The following CRTAM variants were observed in gnomAD, a reference collection of about 807,000 sequenced individuals.
The protein encoded by CRTAM is cytotoxic and regulatory T-cell molecule.
In CRTAM, 44 loss-of-function variants were observed where a neutral mutation model predicts 50.0. That is an observed-to-expected ratio of 0.88 (90% CI 0.69 to 1.13). The LOEUF is 1.13. Ranked by LOEUF, CRTAM falls within the 50% of genes most tolerant of loss-of-function variation. The probability of loss-of-function intolerance (pLI) is 0.00; values close to 1 mark genes in which losing one functional copy is unlikely to be tolerated. For missense variants in CRTAM, 448 were observed against 457.5 expected, an observed-to-expected ratio of 0.98 and a Z score of 0.19; for synonymous variants, 159 against 169.3, an observed-to-expected ratio of 0.94 and a Z score of 0.47.
In CRTAM at chr11:122,841,880, T is replaced by A. The variant is rs141148819; in HGVS notation, c.46+3288T>A. Among the ~76,000 whole-genome samples the A allele has an allele frequency of 3.2e-3, 487 of 152,292 alleles. 3 individuals are homozygous for A. Among genetic ancestry groups the A allele is most frequent in the African/African-American group, 0.011 (456 of 41,548 alleles). On this transcript the variant is annotated intron_variant, in intron 1 of 9. Coordinates refer to ENST00000227348, the MANE Select transcript of CRTAM (RefSeq NM_019604.4). Reference sequence around the variant, plus strand: ...CTGTAATAGAAGTATATCTCAAGACTTTGGGAAACTAGGGGAAAGACATTA... The same window carrying A: ...CTGTAATAGAAGTATATCTCAAGACATTGGGAAACTAGGGGAAAGACATTA...
At chr11:122,844,944 G>T (rs1019059932) in intron 1 of CRTAM, among the ~76,000 whole-genome samples, 1 of 152,158 alleles carries the variant, frequency 6.6e-6, no homozygotes, top group East Asian at 1.9e-4. Context: ...TAACACATTT[G>T]GGGGAAGAGA....
At chr11:122,869,747 A>G (rs928609017) in intron 9 of CRTAM, among the ~76,000 whole-genome samples, 1 of 152,182 alleles carries the variant, frequency 6.6e-6, no homozygotes, top group African/African-American at 2.4e-5. Flanking sequence ...CTGCCTCTTT[A>G]GGTTTTGACC....
At chr11:122,842,885 A>G (rs1310765099) in intron 1 of CRTAM, among the ~76,000 whole-genome samples, 3 of 152,220 alleles carry the variant, frequency 2.0e-5, no homozygotes, top group Admixed American at 2.0e-4. Flanking sequence ...GCATGGGGAC[A>G]GTAGAGATAA....
chr11:122,853,768 A>C (rs1228022700), intron 3 of CRTAM, among the ~76,000 whole-genome samples, 175 bp from the exon 4 acceptor site: 1 of 152,058 alleles, frequency 6.6e-6, no homozygotes, highest in African/African-American at 2.4e-5. Context: ...CAGTGAGGCG[A>C]AATCGTGCCA....
At position 122,867,563 on chromosome 11, in the gene CRTAM, G is replaced by A. The variant is rs747506504; in HGVS notation, c.964+8G>A. ...ATGTGATATGGAAGAAAGGTCAGTG[G>A]GCAGGGAACCTGACGGGGGCTATAA... On this transcript the variant is annotated splice_region_variant and intron_variant, in intron 8 of 9. Transcript: ENST00000227348. The A allele has an allele frequency of 1.7e-5, 27 of 1,611,024 alleles. No individual in the cohort carries two copies. Among genetic ancestry groups the A allele is most frequent in the South Asian group, 1.4e-4 (13 of 90,610 alleles).
chr11:122,862,337 C>A, intron 5 of CRTAM, 127 bp from the exon 6 acceptor site: 2 of 682,008 alleles, frequency 2.9e-6, no homozygotes, highest in Non-Finnish European at 2.7e-6. Context: ...ACACACAGTT[C>A]TGGGGTTTCT....
At chr11:122,849,048 G>T (rs924716532) in intron 1 of CRTAM, among the ~76,000 whole-genome samples, 2 of 152,138 alleles carry the variant, frequency 1.3e-5, no homozygotes, top group African/African-American at 2.4e-5. Flanking sequence ...TCTGGAGAAA[G>T]CTCGGCTGTG....
chr11:122,868,242 G>A (rs1206341589), intron 9 of CRTAM, 143 bp downstream of exon 9: 3 of 552,132 alleles, frequency 5.4e-6, no homozygotes, highest in Non-Finnish European at 9.6e-6. Context: ...GTGTGTATGA[G>A]GTGGGATTTA....
rs1862252289 is a variant in CRTAM, at chr11:122,871,412, T to C, written c.*13T>C. ...GAGTATTGTGTAGTGCTCTCTGCAA[T>C]GGAACATGTGATTTCAGGGTTGCCG... On this transcript the variant is annotated 3_prime_UTR_variant, in exon 10 of 10. Coordinates refer to ENST00000227348, the MANE Select transcript of CRTAM (RefSeq NM_019604.4). 9.4e-6 allele frequency: 15 copies of C among 1,603,724 alleles called. No individual in the cohort carries two copies. The highest frequency in any genetic ancestry group is 1.3e-5 in the African/African-American group (1 of 74,800).
intron 1 of CRTAM, among the ~76,000 whole-genome samples, chr11:122,842,268 T>C (rs943018323): frequency 1.4e-5 from 2 of 146,872 alleles, no homozygotes; most frequent in Non-Finnish European, 3.0e-5. Flanking sequence ...ATGGGTTATA[T>C]GTTTGTTTGT....
intron 5 of CRTAM, among the ~76,000 whole-genome samples, chr11:122,859,069 T>C (rs1425718755): frequency 6.6e-6 from 1 of 152,212 alleles, no homozygotes; most frequent in Non-Finnish European, 1.5e-5. Context: ...CAATTTATTT[T>C]AAAATAATAA....
intron 7 of CRTAM, among the ~76,000 whole-genome samples, chr11:122,865,201 A>G (rs1565293416): frequency 6.6e-6 from 1 of 151,754 alleles, no homozygotes; most frequent in Non-Finnish European, 1.5e-5. Flanking sequence ...CACCCCAGCT[A>G]ATTTTGTATT....
intron 6 of CRTAM, among the ~76,000 whole-genome samples, chr11:122,864,247 G>T (rs892156780): frequency 4.6e-5 from 7 of 152,190 alleles, no homozygotes; most frequent in Non-Finnish European, 8.8e-5. Flanking sequence ...TGAAATAATG[G>T]TTTAAATGCT....
intron 6 of CRTAM, among the ~76,000 whole-genome samples, chr11:122,864,124 G>C (rs1381798010): frequency 6.6e-6 from 1 of 152,128 alleles, no homozygotes; most frequent in African/African-American, 2.4e-5. Flanking sequence ...ATAAATTTCA[G>C]GCTGTAGGTT....
intron 1 of CRTAM, among the ~76,000 whole-genome samples, chr11:122,845,448 C>A (rs1861851615): frequency 6.6e-6 from 1 of 152,106 alleles, no homozygotes; most frequent in South Asian, 2.1e-4. Context: ...GTGGCTCATG[C>A]CTGTAATCCC....
At position 122,838,515 on chromosome 11, in the gene CRTAM, T is replaced by C. The variant is rs1333284578; in HGVS notation, c.-32T>C. On this transcript the variant is annotated 5_prime_UTR_variant, in exon 1 of 10. Transcript: ENST00000227348. ...CATTTGTCTCAGAATCTAGAGGAAG[T>C]TGACAAAGGTGCCACAGCAGCACAG... The C allele has an allele frequency of 2.5e-6, 4 of 1,611,092 alleles. No individual in the cohort carries two copies. In the South Asian group the frequency reaches 3.3e-5, roughly 13 times the overall value.
Position 122,851,798 on chromosome 11 carries a change from A to G in CRTAM, c.299A>G (p.His100Arg). Residue 100 changes from histidine to arginine, a missense_variant, in exon 3 of 10, where the codon CAT becomes CGT. Transcript: ENST00000227348. ...GATGAAGGCGTGTACAAGTGCTTAC[A>G]TTACAGCGACTCTGTAAGCACAAAG... ...LQDEGVYKCL[H>R]YSDSVSTKEV... 2.5e-6 allele frequency: 4 copies of G among 1,614,180 alleles called. No homozygotes were observed. Among genetic ancestry groups the G allele is most frequent in the Non-Finnish European group, 1.7e-6 (2 of 1,179,990 alleles).
intron 5 of CRTAM, among the ~76,000 whole-genome samples, chr11:122,861,872 T>C (rs998952099): frequency 2.6e-5 from 4 of 152,172 alleles, no homozygotes; most frequent in African/African-American, 9.7e-5. Context: ...TTCCTAAGCA[T>C]TGATTAATGT....
At chr11:122,856,743 G>T (rs1214040323) in intron 5 of CRTAM, among the ~76,000 whole-genome samples, 2 of 152,238 alleles carry the variant, frequency 1.3e-5, no homozygotes, top group Non-Finnish European at 2.9e-5. Context: ...GTGATGCCCT[G>T]TGGGGGCTGT....
Sources: allele counts gnomAD v4.1 joint callset (sites outside exome capture counted in the v4.1 genomes callset), GRCh38; gene constraint gnomAD v4.1.1; transcripts MANE v1.5; gene names NCBI Gene and HGNC (gene_info 2026-07-23, HGNC 2026-07-21).